Variants in LYST observed in about 807,000 individuals in gnomAD.
The protein encoded by LYST is lysosomal-trafficking regulator.
LYST carries 192 observed loss-of-function variants against 413.6 expected under a neutral mutation model. The observed-to-expected ratio is 0.46, with a 90% confidence interval of 0.41 to 0.52. LYST has a LOEUF of 0.52. LYST is among the 20% of genes least tolerant of loss of function. The probability of loss-of-function intolerance (pLI) is 0.00; values close to 1 mark genes in which losing one functional copy is unlikely to be tolerated. For missense variants in LYST, 3,815 were observed against 4,499.9 expected (o/e 0.85, Z 4.35); for synonymous variants, 1,525 against 1,567.3 (o/e 0.97, Z 0.64).
intron 3 of LYST, among the ~76,000 whole-genome samples, chr1:235,824,641 A>T (rs1675128989): frequency 6.6e-6 from 1 of 152,254 alleles, no homozygotes; most frequent in African/African-American, 2.4e-5. Context: ...ATTTAAAAAG[A>T]GTATTTTCCC....
intron 22 of LYST, among the ~76,000 whole-genome samples, chr1:235,761,737 G>A (rs772464242): frequency 2.6e-5 from 4 of 151,108 alleles, no homozygotes; most frequent in Non-Finnish European, 5.9e-5. Flanking sequence ...TAGGGAAAGC[G>A]AGACAAGGGG....
intron 36 of LYST, among the ~76,000 whole-genome samples, 176 bp from the exon 37 acceptor site, chr1:235,729,833 T>C (rs987311989): frequency 6.6e-6 from 1 of 152,216 alleles, no homozygotes; most frequent in Non-Finnish European, 1.5e-5. Flanking sequence ...AGCATTCTAT[T>C]AGAAGAGAAA....
At position 235,734,594 on chromosome 1, in the gene LYST, T is replaced by C. The variant is rs778219018; in HGVS notation, c.8424A>G (p.Glu2808=). Residue 2808 remains glutamate, a synonymous_variant, in exon 32 of 53, where the codon GAA becomes GAG. Transcript: ENST00000389793. ...LIHNHQGELT[E]EELGTAELLM... ...GCAGTTCTGCTGTGCCTAGCTCTTC[T>C]TCAGTCAATTCACCTTGGTGATTAT... 1.2e-6 allele frequency: 2 copies of C among 1,613,302 alleles called. No homozygotes were observed. The highest frequency in any genetic ancestry group is 3.3e-5 in the Admixed American group (2 of 60,022).
At chr1:235,746,848 A>C (rs911803169) in intron 28 of LYST, among the ~76,000 whole-genome samples, 22 of 152,224 alleles carry the variant, frequency 1.4e-4, no homozygotes, top group African/African-American at 5.3e-4. Flanking sequence ...TTGATAAAAT[A>C]GTTTCAAATA....
intron 31 of LYST, among the ~76,000 whole-genome samples, chr1:235,739,700 A>G (rs1169276618): frequency 6.6e-6 from 1 of 152,116 alleles, no homozygotes; most frequent in Non-Finnish European, 1.5e-5. Flanking sequence ...ATAGATGCTG[A>G]TGGAATGAGA....
chr1:235,753,408 C>T (rs1666690885), intron 25 of LYST, 134 bp from the exon 26 acceptor site: 7 of 633,132 alleles, frequency 1.1e-5, no homozygotes, highest in Non-Finnish European at 2.0e-5. Context: ...GGATTCTTAA[C>T]CTGTTTTTAA....
Position 235,786,327 on chromosome 1 carries a change from T to C in LYST, c.4862+873A>G, listed in dbSNP as rs910274497. 2.0e-5 allele frequency among the ~76,000 whole-genome samples: 3 copies of C among 152,158 alleles called. No homozygotes were observed. The South Asian group carries it at 6.2e-4, about 32-fold the overall frequency. ...AAGTATAGTAAATTTTTCAGAGAAA[T>C]GCAAATCAAAACCACAATGAGATAC... On this transcript the variant is annotated intron_variant, in intron 14 of 52. Coordinates refer to ENST00000389793, the MANE Select transcript of LYST (RefSeq NM_000081.4).
chr1:235,759,633 A>G, intron 22 of LYST, 34 bp from the exon 23 acceptor site: 2 of 1,533,116 alleles, frequency 1.3e-6, no homozygotes, highest in Non-Finnish European at 1.8e-6. Flanking sequence ...ACTACTTAAA[A>G]ATCTATTAAG....
At chr1:235,882,517 G>T in intron 1 of LYST, among the ~76,000 whole-genome samples, 1 of 152,254 alleles carries the variant, frequency 6.6e-6, no homozygotes, top group East Asian at 1.9e-4. Context: ...GAGGTGAAAG[G>T]GACTAGAGGC....
intron 1 of LYST, among the ~76,000 whole-genome samples, chr1:235,860,508 T>TCC (rs1356115419): frequency 2.6e-5 from 4 of 152,316 alleles, no homozygotes; most frequent in East Asian, 3.9e-4. Context: ...TATTCATCCC[T>TCC]CCTTCTCTCC....
chr1:235,877,447 G>T (rs1014424681), intron 1 of LYST, among the ~76,000 whole-genome samples: 1 of 152,068 alleles, frequency 6.6e-6, no homozygotes. Flanking sequence ...TGCTCTTGTC[G>T]CCCAGGCTGG....
chr1:235,684,462 A>C (rs1231767312), intron 48 of LYST, among the ~76,000 whole-genome samples: 1 of 152,200 alleles, frequency 6.6e-6, no homozygotes, highest in Non-Finnish European at 1.5e-5. Context: ...TTTGTAGGGG[A>C]AGTCAGAAAG....
chr1:235,869,283 T>C (rs1052264746), upstream of LYST, among the ~76,000 whole-genome samples: 2 of 152,000 alleles, frequency 1.3e-5, no homozygotes, highest in African/African-American at 2.4e-5. Context: ...CCATCCTGGC[T>C]AACACGGTGA....
upstream of LYST, among the ~76,000 whole-genome samples, chr1:235,871,529 T>C (rs1032727696): frequency 6.6e-6 from 1 of 152,226 alleles, no homozygotes; most frequent in African/African-American, 2.4e-5. Flanking sequence ...GATCATATAA[T>C]ATACTCATTA....
In LYST at chr1:235,770,945, A is replaced by C. The variant is rs1291433249; in HGVS notation, c.5785-648T>G. 2.6e-5 allele frequency among the ~76,000 whole-genome samples: 4 copies of C among 152,338 alleles called. No individual in the cohort carries two copies. The South Asian group carries it at 6.2e-4, about 24-fold the overall frequency. On this transcript the variant is annotated intron_variant, in intron 19 of 52. Coordinates refer to ENST00000389793, the MANE Select transcript of LYST (RefSeq NM_000081.4). ...AAAAGAGATCTTACACTGATAACTA[A>C]TATTGAAAGATAACCTTCCCTTCAT...
intron 13 of LYST, among the ~76,000 whole-genome samples, chr1:235,787,779 A>G (rs1383948859): frequency 1.3e-5 from 2 of 152,178 alleles, no homozygotes; most frequent in Non-Finnish European, 2.9e-5. Flanking sequence ...TGAAAGAATG[A>G]GGAGATAATG....
chr1:235,762,909 A>G (rs1295839022), intron 21 of LYST, 58 bp from the exon 22 acceptor site: 2 of 1,291,520 alleles, frequency 1.5e-6, no homozygotes, highest in African/African-American at 2.9e-5. Flanking sequence ...AAACGAAAAT[A>G]TAACTTTAAA....
At position 235,674,164 on chromosome 1, in the gene LYST, C is replaced by T. The variant is rs984505701; in HGVS notation, c.11038+2927G>A. On this transcript the variant is annotated intron_variant, in intron 50 of 52. Coordinates refer to ENST00000389793, the MANE Select transcript of LYST (RefSeq NM_000081.4). This position sits in a 1 kb window ranked among gnomAD's most constrained non-coding sequence, Gnocchi z 4.1. Reference sequence around the variant, plus strand: ...TGTCAATTTTACCTTGTGTCTCTCACGACAGGGGGAATATTTGGCATTCCT... The same window carrying T: ...TGTCAATTTTACCTTGTGTCTCTCATGACAGGGGGAATATTTGGCATTCCT... 3.3e-5 allele frequency among the ~76,000 whole-genome samples: 5 copies of T among 152,080 alleles called. No individual in the cohort carries two copies. The highest frequency in any genetic ancestry group is 7.2e-5 in the African/African-American group (3 of 41,402).
chr1:235,872,830 C>T (rs1015420190), intron 1 of LYST, among the ~76,000 whole-genome samples: 8 of 151,930 alleles, frequency 5.3e-5, no homozygotes, highest in South Asian at 2.1e-4. Flanking sequence ...GCAGGAGAAT[C>T]GCTTGAACCT....
Sources: allele counts gnomAD v4.1 joint callset (sites outside exome capture counted in the v4.1 genomes callset), GRCh38; gene constraint gnomAD v4.1.1; non-coding constraint Gnocchi (gnomAD v3.1); transcripts MANE v1.5; gene names NCBI Gene and HGNC (gene_info 2026-07-23, HGNC 2026-07-21).